The following RRP15 variants were observed in gnomAD, a reference collection of about 807,000 sequenced individuals.
RRP15 encodes the protein RRP15-like protein.
A neutral mutation model predicts 27.1 loss-of-function variants in RRP15; 18 were observed. That is an observed-to-expected ratio of 0.66 (90% CI 0.46 to 0.98). RRP15 has a LOEUF of 0.98. Among genes scored for constraint, RRP15 ranks in the 50% least tolerant of loss-of-function variants. The pLI is 0.00. For synonymous variants in RRP15, 107 were observed against 109.4 expected (o/e 0.98, Z 0.14); for missense variants, 359 against 337.8 (o/e 1.06, Z -0.49).
Position 218,307,567 on chromosome 1 carries a change from T to C in RRP15, c.640T>C (p.Leu214=), listed in dbSNP as rs1655919441. ...TTCCAAGAAAGATTTCATCAGTGTT[T>C]TGAGAGGGATGGATGGAAGTACAAA... ...TVSKKDFISV[L]RGMDGSTNET... The change falls in exon 4 of 5, where the codon TTG becomes CTG. Residue 214 remains leucine (L), a synonymous_variant. Coordinates refer to ENST00000366932, the MANE Select transcript of RRP15 (RefSeq NM_016052.4). The C allele has an allele frequency of 1.2e-6, 2 of 1,613,898 alleles. No homozygotes were observed. Among genetic ancestry groups the C allele is most frequent in the South Asian group, 2.2e-5 (2 of 91,086 alleles).
At chr1:218,327,851 C>T (rs192078125) in intron 4 of RRP15, among the ~76,000 whole-genome samples, 1 of 152,186 alleles carries the variant, frequency 6.6e-6, no homozygotes, top group Non-Finnish European at 1.5e-5. Context: ...ATCTTTCCCT[C>T]TCAGCCATAA....
intron 4 of RRP15, among the ~76,000 whole-genome samples, chr1:218,311,264 A>G (rs1025885485): frequency 6.6e-6 from 1 of 152,190 alleles, no homozygotes; most frequent in African/African-American, 2.4e-5. Flanking sequence ...ACTAGATACT[A>G]TCTTTCATGG....
At chr1:218,317,748 A>T (rs1382079038) in intron 4 of RRP15, among the ~76,000 whole-genome samples, 5,040 of 90,168 alleles carry the variant, frequency 0.056, 107 homozygotes, top group African/African-American at 0.17. Flanking sequence ...TTTTTTTTTT[A>T]ATTTAAAGAC....
At position 218,305,024 on chromosome 1, in the gene RRP15, G is replaced by A. The variant is rs371455763; in HGVS notation, c.406-4G>A. 7.6e-5 allele frequency: 122 copies of A among 1,611,060 alleles called. 2 individuals are homozygous for A. The highest frequency in any genetic ancestry group is 3.7e-4 in the South Asian group (34 of 90,926). ...TCTTTCACATAACAATATTTATAAC[G>A]CAGCGTGATAAGAGGCTGGAGTGGG... is the stretch of plus-strand genomic sequence containing the variant. On this transcript the variant is annotated splice_region_variant and splice_polypyrimidine_tract_variant and intron_variant, in intron 2 of 4. Transcript: ENST00000366932.
At chr1:218,312,672 G>A (rs1228611725) in intron 4 of RRP15, among the ~76,000 whole-genome samples, 1 of 152,058 alleles carries the variant, frequency 6.6e-6, no homozygotes, top group Non-Finnish European at 1.5e-5. Context: ...TATTGCTCAC[G>A]AAATTAGAAA....
At chr1:218,304,442 AG>A (rs1655861311) in intron 2 of RRP15, among the ~76,000 whole-genome samples, 1 of 152,198 alleles carries the variant, frequency 6.6e-6, no homozygotes, top group African/African-American at 2.4e-5. Flanking sequence ...GCTTCTGTAC[AG>A]TTTGCTGTAG....
chr1:218,337,798 A>G lies in RRP15; in HGVS notation c.*6707A>G, dbSNP rs994853040. The G allele has an allele frequency of 2.0e-5, 3 of 152,236 alleles. No homozygotes were observed. The highest frequency in any genetic ancestry group is 2.1e-4 in the South Asian group (1 of 4,822). The allele number at this position is 152,236 out of a possible 1,614,324, so 9.4% of individuals were successfully genotyped here. A position where few individuals can be genotyped will look rare whatever the true frequency, so the allele number is the denominator to read the frequency against. ...AACTCTACATACTGTTTAATAGAGC[A>G]TTATTGATATTAGCTGTATTAGATG... On this transcript the variant is annotated 3_prime_UTR_variant, in exon 5 of 5. Transcript: ENST00000366932.
At chr1:218,287,508 T>C (rs1434493459) in intron 1 of RRP15, among the ~76,000 whole-genome samples, 1 of 152,174 alleles carries the variant, frequency 6.6e-6, no homozygotes, top group African/African-American at 2.4e-5. Context: ...CTCTAGGTGT[T>C]GAGGATACAA....
chr1:218,327,354 G>C (rs968446912), intron 4 of RRP15, among the ~76,000 whole-genome samples: 2 of 152,152 alleles, frequency 1.3e-5, no homozygotes, highest in African/African-American at 2.4e-5. Context: ...CGTCGCTCAG[G>C]CTGGAGTGCA....
chr1:218,328,595 G>A (rs1032992191), intron 4 of RRP15, among the ~76,000 whole-genome samples: 6 of 152,052 alleles, frequency 3.9e-5, no homozygotes, highest in Admixed American at 6.5e-5. Flanking sequence ...CCCGGGAGGC[G>A]GAGCTTGCAG....
At chr1:218,305,194 C>A in intron 3 of RRP15, 69 bp downstream of exon 3, 1 of 1,209,282 alleles carries the variant, frequency 8.3e-7, no homozygotes, top group Non-Finnish European at 1.2e-6. Context: ...TATTTTTGAC[C>A]CAATTTGATT....
chr1:218,323,116 C>T (rs749909852), intron 4 of RRP15, among the ~76,000 whole-genome samples: 1 of 152,344 alleles, frequency 6.6e-6, no homozygotes, highest in East Asian at 1.9e-4. Flanking sequence ...GGTGTCACAG[C>T]CCTGGCTCAG....
At chr1:218,313,091 A>G (rs887893820) in intron 4 of RRP15, among the ~76,000 whole-genome samples, 1 of 152,132 alleles carries the variant, frequency 6.6e-6, no homozygotes, top group Non-Finnish European at 1.5e-5. Context: ...TTTATTTTAG[A>G]CTAAGGAGGT....
At chr1:218,292,656 A>G in intron 1 of RRP15, among the ~76,000 whole-genome samples, 1 of 152,242 alleles carries the variant, frequency 6.6e-6, no homozygotes, top group Non-Finnish European at 1.5e-5. Flanking sequence ...TACAGAATCC[A>G]CAAATAACAG....
At chr1:218,292,789 C>T (rs1264871225) in intron 1 of RRP15, among the ~76,000 whole-genome samples, 1 of 152,204 alleles carries the variant, frequency 6.6e-6, no homozygotes, top group Non-Finnish European at 1.5e-5. Context: ...AGGGTCATAG[C>T]ATTCTGAACT....
At position 218,302,463 on chromosome 1, in the gene RRP15, A is replaced by C. The variant is rs1655826837; in HGVS notation, c.309A>C (p.Lys103Asn). Residue 103 changes from lysine (K) to asparagine (N), a missense_variant, in exon 2 of 5, where the codon AAA becomes AAC. By Grantham distance (94) the Lys-to-Asn change is moderately conservative. Transcript: ENST00000366932. ...ADAMAKVLNKKTPESKPTILV... is the reference protein window; with the variant it reads ...ADAMAKVLNKNTPESKPTILV... ...CTATGGCTAAAGTCCTCAACAAGAA[A>C]ACTCCTGAAAGTAAACCTACTATTC... The C allele has an allele frequency of 6.2e-7, 1 of 1,614,166 alleles. No homozygotes were observed. Among genetic ancestry groups the C allele is most frequent in the Non-Finnish European group, 8.5e-7 (1 of 1,180,024 alleles).
At position 218,337,029 on chromosome 1, in the gene RRP15, T is replaced by A. The variant is rs1656460218; in HGVS notation, c.*5938T>A. 6.6e-6 allele frequency: 1 copy of A among 152,218 alleles called. No individual in the cohort carries two copies. Among genetic ancestry groups the A allele is most frequent in the South Asian group, 2.1e-4 (1 of 4,830 alleles). 9.4% of individuals were successfully genotyped at this position (152,218 alleles called of 1,614,324 possible). ...GTTCAGTTTTGAGTCCTACTAGTTT[T>A]GTTTCCTTGTGTAAGTTTCTTAACC... On this transcript the variant is annotated 3_prime_UTR_variant, in exon 5 of 5. Transcript: ENST00000366932.
chr1:218,299,358 G>C (rs1041617496), intron 1 of RRP15, among the ~76,000 whole-genome samples: 1 of 152,028 alleles, frequency 6.6e-6, no homozygotes, highest in African/African-American at 2.4e-5. Flanking sequence ...ATAAAATGGT[G>C]CTATAAACTT....
chr1:218,302,415 G>A lies in RRP15; in HGVS notation c.261G>A (p.Gly87=), dbSNP rs770301332. 1.2e-6 allele frequency: 2 copies of A among 1,614,048 alleles called. No homozygotes were observed. Among genetic ancestry groups the A allele is most frequent in the South Asian group, 1.1e-5 (1 of 91,078 alleles). Residue 87 remains glycine, a synonymous_variant, in exon 2 of 5, where the codon GGG becomes GGA. Coordinates refer to ENST00000366932, the MANE Select transcript of RRP15 (RefSeq NM_016052.4). ...AAAATGATGGAGAATCAAGTGTTGG[G>A]ACTAATATGGGCTGGGCAGATGCTA... ...ENENDGESSV[G]TNMGWADAMA...
Sources: allele counts gnomAD v4.1 joint callset (sites outside exome capture counted in the v4.1 genomes callset), GRCh38; gene constraint gnomAD v4.1.1; transcripts MANE v1.5; gene names NCBI Gene and HGNC (gene_info 2026-07-23, HGNC 2026-07-21).